Variants in PLXNC1 observed in about 807,000 individuals in gnomAD.
PLXNC1 encodes plexin C1.
PLXNC1 carries 75 observed loss-of-function variants against 178.2 expected under a neutral mutation model. The ratio of observed to expected loss-of-function variants is 0.42; its 90% CI spans 0.35 to 0.51. PLXNC1 has a LOEUF of 0.51. Among genes scored for constraint, PLXNC1 ranks in the 20% least tolerant of loss-of-function variants. PLXNC1 has a pLI of 0.02. For missense variants in PLXNC1, 1,503 were observed against 1,984.4 expected (o/e 0.76, Z 4.61); for synonymous variants, 790 against 779.9 (o/e 1.01, Z -0.22).
chr12:94,246,390 G>A (rs1174754985), intron 12 of PLXNC1, among the ~76,000 whole-genome samples: 4 of 152,180 alleles, frequency 2.6e-5, no homozygotes, highest in Non-Finnish European at 5.9e-5. Flanking sequence ...GAGATGACCA[G>A]CTTGTCTTTA....
In PLXNC1 at chr12:94,279,577, G is replaced by T. The variant is rs865899131; in HGVS notation, c.3703G>T (p.Glu1235Ter). 1.9e-6 allele frequency: 3 copies of T among 1,614,214 alleles called. No homozygotes were observed. The highest frequency in any genetic ancestry group is 2.5e-6 in the Non-Finnish European group (3 of 1,180,020). Reference protein sequence around the residue: ...LDCDTIGQAKEKIFQAFLSKN... With the variant: ...LDCDTIGQAK ...CTGTGACACCATTGGCCAAGCCAAA[G>T]AAAAGATTTTCCAAGCATTCTTAAG... The change falls in exon 22 of 31, where the codon GAA (glutamate) becomes TAA (stop). Residue 1235 changes from glutamate (E) to a stop codon, truncating the protein, a stop_gained. Coordinates refer to ENST00000258526, the MANE Select transcript of PLXNC1 (RefSeq NM_005761.3). LOFTEE classifies it high-confidence loss of function.
chr12:94,251,287 A>G, intron 14 of PLXNC1, 139 bp from the exon 15 acceptor site: 1 of 620,768 alleles, frequency 1.6e-6, no homozygotes, highest in Non-Finnish European at 2.9e-6. Context: ...AATCTGCCAC[A>G]GAAATGAGAG....
At chr12:94,218,636 C>A (rs1279486249) in intron 5 of PLXNC1, among the ~76,000 whole-genome samples, 4 of 152,044 alleles carry the variant, frequency 2.6e-5, no homozygotes, top group African/African-American at 4.8e-5. Flanking sequence ...TCCTTTGGAC[C>A]ATTTCCTTGG....
At chr12:94,173,236 C>A (rs1412856313) in intron 2 of PLXNC1, among the ~76,000 whole-genome samples, 2 of 152,206 alleles carry the variant, frequency 1.3e-5, no homozygotes, top group Non-Finnish European at 2.9e-5. Flanking sequence ...CCGAGTCTTT[C>A]TCCAGATTAT....
intron 21 of PLXNC1, chr12:94,277,235 C>G (rs976359015): frequency 1.3e-5 from 2 of 152,136 alleles, no homozygotes; most frequent in African/African-American, 4.8e-5. Context: ...TCTGAGGCCT[C>G]TTTTATAAGG....
At chr12:94,263,333 A>AT (rs1030813264) in intron 20 of PLXNC1, among the ~76,000 whole-genome samples, 2 of 152,038 alleles carry the variant, frequency 1.3e-5, no homozygotes, top group African/African-American at 4.8e-5. Flanking sequence ...CCCGCAAGGG[A>AT]TTCTGGTGAT....
intron 6 of PLXNC1, among the ~76,000 whole-genome samples, chr12:94,223,765 GGA>G (rs1157896713): frequency 2.6e-5 from 4 of 152,290 alleles, no homozygotes; most frequent in African/African-American, 9.6e-5. Context: ...CCCAGCCCAT[GGA>G]AACTACACTT....
Position 94,255,249 on chromosome 12 carries a change from C to G in PLXNC1, c.3040C>G (p.Pro1014Ala), listed in dbSNP as rs1401260663. ...LDVVDSFGTV[P>A]FLDYKHFALR... ...TGTGGTTGATAGTTTTGGAACTGTT[C>G]CCTTCCTTGACTACAAACATTTTGC... is the stretch of plus-strand genomic sequence containing the variant. The change falls in exon 17 of 31, where the codon CCC becomes GCC. Residue 1014 changes from proline to alanine, a missense_variant. Pro to Ala is a conservative substitution (Grantham distance 27). This residue lies in a region of PLXNC1 where 639 missense variants were observed against 979.7 expected (regional missense o/e 0.65). Coordinates refer to ENST00000258526, the MANE Select transcript of PLXNC1 (RefSeq NM_005761.3). 2.5e-6 allele frequency: 4 copies of G among 1,613,894 alleles called. No individual in the cohort carries two copies. Among genetic ancestry groups the G allele is most frequent in the Non-Finnish European group, 2.5e-6 (3 of 1,179,758 alleles).
chr12:94,201,546 G>A (rs1382241764), intron 4 of PLXNC1, among the ~76,000 whole-genome samples: 1 of 152,092 alleles, frequency 6.6e-6, no homozygotes, highest in Non-Finnish European at 1.5e-5. Context: ...CATTTCTGCA[G>A]ATGGAGAGCC....
intron 2 of PLXNC1, among the ~76,000 whole-genome samples, chr12:94,177,157 A>G (rs1179425867): frequency 4.4e-3 from 213 of 48,942 alleles, no homozygotes; most frequent in African/African-American, 0.029. Context: ...GTGTATATAT[A>G]TATGTATATA....
At position 94,221,504 on chromosome 12, in the gene PLXNC1, G is replaced by A. The variant is rs374284665; in HGVS notation, c.1702+1341G>A. On this transcript the variant is annotated intron_variant, in intron 6 of 30. Coordinates refer to ENST00000258526, the MANE Select transcript of PLXNC1 (RefSeq NM_005761.3). ...GAGTCTCTTCGAATGAGAAAGACTA[G>A]AAGTAGAGTTGAGTTCATGGAGTAG... Among the ~76,000 whole-genome samples, 5 of 152,326 alleles carry A rather than the reference G, an allele frequency of 3.3e-5. 1 individual carries two copies. Among genetic ancestry groups the A allele is most frequent in the East Asian group, 1.9e-4 (1 of 5,184 alleles).
chr12:94,192,476 A>G (rs1260504414), intron 4 of PLXNC1, among the ~76,000 whole-genome samples: 2 of 151,304 alleles, frequency 1.3e-5, no homozygotes, highest in Non-Finnish European at 2.9e-5. Context: ...TGTATAACAA[A>G]CAACCCCCAA....
At chr12:94,245,961 T>C (rs1047909757) in intron 12 of PLXNC1, among the ~76,000 whole-genome samples, 1 of 152,098 alleles carries the variant, frequency 6.6e-6, no homozygotes, top group African/African-American at 2.4e-5. Context: ...CCGAGACAAT[T>C]AGTGACAATG....
At chr12:94,190,983 T>A (rs148541315) in intron 4 of PLXNC1, among the ~76,000 whole-genome samples, 1 of 152,358 alleles carries the variant, frequency 6.6e-6, no homozygotes, top group South Asian at 2.1e-4. Flanking sequence ...GACATTACTG[T>A]TTTATTTTCT....
chr12:94,289,281 T>C (rs957605911), intron 23 of PLXNC1, among the ~76,000 whole-genome samples: 3 of 152,174 alleles, frequency 2.0e-5, no homozygotes, highest in South Asian at 4.1e-4. Context: ...ATTCTAATGA[T>C]GGGAAAGTCT....
At position 94,247,998 on chromosome 12, in the gene PLXNC1, A is replaced by G. The variant is rs1386919609; in HGVS notation, c.2484A>G (p.Val828=). 1 of 1,614,186 alleles carries G rather than the reference A, an allele frequency of 6.2e-7. No homozygotes were observed. Among genetic ancestry groups the G allele is most frequent in the Non-Finnish European group, 8.5e-7 (1 of 1,179,994 alleles). ...CGAATGTCACTGTGAAGCTGAGAGT[A>G]CAAGACACCTACTTGGATTGTGGAA... The part of the protein sequence containing the change: ...VRTNVTVKLR[V]QDTYLDCGTL... The change falls in exon 13 of 31, where the codon GTA becomes GTG. Residue 828 remains valine (V), a synonymous_variant. Coordinates refer to ENST00000258526, the MANE Select transcript of PLXNC1 (RefSeq NM_005761.3).
intron 1 of PLXNC1, among the ~76,000 whole-genome samples, chr12:94,165,515 C>T (rs1961577255): frequency 1.3e-5 from 2 of 152,172 alleles, no homozygotes; most frequent in South Asian, 4.1e-4. Flanking sequence ...CCAGGGTCCT[C>T]CAGGCTGGTG....
chr12:94,184,003 A>G (rs1467962471), intron 3 of PLXNC1, among the ~76,000 whole-genome samples: 1 of 152,232 alleles, frequency 6.6e-6, no homozygotes, highest in East Asian at 1.9e-4. Context: ...ATGGTATGAT[A>G]CGGGGCCGCT....
At chr12:94,292,783 G>A (rs1592973030) in intron 23 of PLXNC1, among the ~76,000 whole-genome samples, 1 of 152,152 alleles carries the variant, frequency 6.6e-6, no homozygotes, top group South Asian at 2.1e-4. Context: ...TTCAGGTGCC[G>A]AATTTTCCAC....
Sources: allele counts gnomAD v4.1 joint callset (sites outside exome capture counted in the v4.1 genomes callset), GRCh38; gene constraint gnomAD v4.1.1; regional missense constraint gnomAD v4.1.1; transcripts MANE v1.5; gene names NCBI Gene and HGNC (gene_info 2026-07-23, HGNC 2026-07-21).